Variants in DSCAM observed in about 807,000 individuals in gnomAD.
DSCAM encodes cell adhesion molecule DSCAM.
DSCAM carries 47 observed loss-of-function variants against 217.7 expected under a neutral mutation model. The observed-to-expected ratio is 0.22, with a 90% CI of 0.17 to 0.28. The LOEUF is 0.28. Among genes scored for constraint, DSCAM ranks in the 10% least tolerant of loss-of-function variants. DSCAM has a pLI of 1.00. For missense variants in DSCAM, 2,080 were observed against 2,618.3 expected, an observed-to-expected ratio of 0.79 and a Z score of 4.49; for synonymous variants, 1,056 against 1,015.3, an observed-to-expected ratio of 1.04 and a Z score of -0.76.
intron 3 of DSCAM, among the ~76,000 whole-genome samples, chr21:40,466,462 C>T (rs1265872816): frequency 6.6e-6 from 1 of 152,202 alleles, no homozygotes; most frequent in Non-Finnish European, 1.5e-5. Flanking sequence ...GCAATTCTAA[C>T]AAGTGTGTTT....
chr21:40,141,426 C>T (rs538111258), intron 18 of DSCAM, among the ~76,000 whole-genome samples: 3 of 152,224 alleles, frequency 2.0e-5, no homozygotes, highest in South Asian at 2.1e-4. Context: ...ACCAGCCTGG[C>T]CAAGCTGGCG....
intron 3 of DSCAM, among the ~76,000 whole-genome samples, chr21:40,582,364 G>C (rs1003570993): frequency 6.6e-6 from 1 of 151,994 alleles, no homozygotes; most frequent in Admixed American, 6.6e-5. Context: ...TTTTCTGTGA[G>C]TCCAAAAATG....
intron 2 of DSCAM, among the ~76,000 whole-genome samples, chr21:40,695,302 A>G (rs2090584122): frequency 1.3e-5 from 2 of 152,070 alleles, no homozygotes; most frequent in South Asian, 2.1e-4. Flanking sequence ...CCATAAAAAT[A>G]TGGGGTGACT....
At chr21:40,455,849 GATAA>G (rs1015747491) in intron 3 of DSCAM, among the ~76,000 whole-genome samples, 19 of 152,000 alleles carry the variant, frequency 1.3e-4, no homozygotes, top group African/African-American at 1.9e-4. Context: ...ATAGATAGAT[GATAA>G]ATAGATAGAT....
At position 40,091,819 on chromosome 21, in the gene DSCAM, T is replaced by A. The variant is rs144456883; in HGVS notation, c.3850+1902A>T. The stretch of plus-strand genomic sequence containing the variant: ...GGTGGAACTCCCCTTTACAAAACCA[T>A]CAGATCTCGTGAGACTTACTCACTG... On this transcript the variant is annotated intron_variant, in intron 21 of 32. Coordinates refer to ENST00000400454, the MANE Select transcript of DSCAM (RefSeq NM_001389.5). Among the ~76,000 whole-genome samples, 143 of 152,078 alleles carry A rather than the reference T, an allele frequency of 9.4e-4. 1 individual carries two copies. The highest frequency in any genetic ancestry group is 3.1e-3 in the African/African-American group (130 of 41,512).
At chr21:40,399,824 A>G (rs894261909) in intron 3 of DSCAM, among the ~76,000 whole-genome samples, 5 of 152,240 alleles carry the variant, frequency 3.3e-5, no homozygotes, top group Non-Finnish European at 1.5e-5. Flanking sequence ...ACTGCCCTTA[A>G]GAGGTACGTA....
chr21:40,605,820 TAA>T (rs2089229485), intron 3 of DSCAM, among the ~76,000 whole-genome samples: 2 of 134,898 alleles, frequency 1.5e-5, no homozygotes, highest in African/African-American at 2.8e-5. Context: ...TTTTTTTTTT[TAA>T]GACAGTCTCA....
intron 11 of DSCAM, among the ~76,000 whole-genome samples, chr21:40,234,640 T>C (rs1331628822): frequency 2.6e-5 from 4 of 152,174 alleles, no homozygotes; most frequent in Admixed American, 6.5e-5. Flanking sequence ...TCTATGATGT[T>C]CTTGATCCAG....
intron 3 of DSCAM, among the ~76,000 whole-genome samples, chr21:40,643,075 T>C (rs1015050089): frequency 6.6e-6 from 1 of 152,130 alleles, no homozygotes; most frequent in African/African-American, 2.4e-5. Flanking sequence ...ATTAGAGGGA[T>C]GAGTGGCGGG....
At chr21:40,761,050 C>T (rs1009954719) in intron 1 of DSCAM, among the ~76,000 whole-genome samples, 2 of 152,182 alleles carry the variant, frequency 1.3e-5, no homozygotes, top group Non-Finnish European at 2.9e-5. Context: ...TGAATTTCTA[C>T]CCTCACCTAA....
chr21:40,677,396 TG>T (rs2090352329), intron 3 of DSCAM, among the ~76,000 whole-genome samples: 1 of 151,426 alleles, frequency 6.6e-6, no homozygotes, highest in African/African-American at 2.4e-5. Context: ...TAAGGACAAG[TG>T]GGAGCCGGGG....
chr21:40,692,975 A>G lies in DSCAM; in HGVS notation c.362-19T>C. ...CGTAAAACTGGAAGGCAGAAAGAGG[A>G]CGTCAGTAAGGCACACGGTCAACAG... On this transcript the variant is annotated intron_variant, in intron 2 of 32. Transcript: ENST00000400454. The G allele has an allele frequency of 6.3e-7, 1 of 1,595,948 alleles. No individual in the cohort carries two copies.
intron 30 of DSCAM, among the ~76,000 whole-genome samples, chr21:40,044,704 A>T (rs771694008): frequency 6.6e-6 from 1 of 152,208 alleles, no homozygotes; most frequent in Non-Finnish European, 1.5e-5. Flanking sequence ...TGAGAGAGGT[A>T]CTTTGGTTAC....
intron 3 of DSCAM, among the ~76,000 whole-genome samples, chr21:40,508,273 A>C (rs1241860657): frequency 2.6e-5 from 4 of 152,218 alleles, no homozygotes; most frequent in Non-Finnish European, 2.9e-5. Flanking sequence ...TTAGAAAAGA[A>C]ATAAATCAAT....
intron 6 of DSCAM, among the ~76,000 whole-genome samples, chr21:40,347,298 C>CAAA (rs796531226): frequency 2.5e-5 from 2 of 79,424 alleles, no homozygotes; most frequent in African/African-American, 8.9e-5. Context: ...AACTCCATCT[C>CAAA]AAAAAAAAAA....
chr21:40,118,601 C>CA (rs1365924787), intron 20 of DSCAM, among the ~76,000 whole-genome samples: 1 of 152,088 alleles, frequency 6.6e-6, no homozygotes, highest in Non-Finnish European at 1.5e-5. Flanking sequence ...AAACAAACAA[C>CA]AAAAAAGACA....
chr21:40,520,005 T>G (rs7282856), intron 3 of DSCAM, among the ~76,000 whole-genome samples: 5,065 of 152,228 alleles, frequency 0.033, 215 homozygotes, highest in African/African-American at 0.091. Context: ...TAAAATTTGT[T>G]GCCCCTGACT....
At chr21:40,495,269 A>G (rs1298858248) in intron 3 of DSCAM, among the ~76,000 whole-genome samples, 1 of 152,098 alleles carries the variant, frequency 6.6e-6, no homozygotes, top group Non-Finnish European at 1.5e-5. Flanking sequence ...AGACAAGAAC[A>G]CTCTAAGAAA....
intron 3 of DSCAM, among the ~76,000 whole-genome samples, chr21:40,615,146 A>G (rs1246356664): frequency 1.3e-5 from 2 of 151,768 alleles, no homozygotes; most frequent in Non-Finnish European, 2.9e-5. Flanking sequence ...TCTACTAAAA[A>G]TACAAAAATT....
Sources: allele counts gnomAD v4.1 joint callset (sites outside exome capture counted in the v4.1 genomes callset), GRCh38; gene constraint gnomAD v4.1.1; transcripts MANE v1.5; gene names NCBI Gene and HGNC (gene_info 2026-07-23, HGNC 2026-07-21).